Variants in RGS17 observed in about 807,000 individuals in gnomAD.
The protein encoded by RGS17 is regulator of G protein signaling 17.
A neutral mutation model predicts 25.5 loss-of-function variants in RGS17; 12 were observed. The ratio of observed to expected loss-of-function variants is 0.47; its 90% CI spans 0.30 to 0.76. The LOEUF (loss-of-function observed/expected upper bound fraction) is 0.76, where lower values mean the gene tolerates loss of function less well. Ranked by LOEUF, RGS17 falls within the 30% of genes least tolerant of loss-of-function variation. RGS17 has a pLI of 0.07. For synonymous variants in RGS17, 71 were observed against 76.9 expected (o/e 0.92, Z 0.40); for missense variants, 196 against 242.2 (o/e 0.81, Z 1.27).
chr6:153,039,975 C>T (rs1274393503), intron 2 of RGS17, among the ~76,000 whole-genome samples: 1 of 152,196 alleles, frequency 6.6e-6, no homozygotes, highest in African/African-American at 2.4e-5. Context: ...TTGCCAGTGT[C>T]AACCTTGAAC....
Position 153,009,541 on chromosome 6 carries a change from T to C in RGS17, c.*2033A>G, listed in dbSNP as rs1189934074. 6.6e-6 allele frequency: 1 copy of C among 152,030 alleles called. No homozygotes were observed. Among genetic ancestry groups the C allele is most frequent in the African/African-American group, 2.4e-5 (1 of 41,448 alleles). 9.4% of individuals were successfully genotyped at this position (152,030 alleles called of 1,614,324 possible). A position where few individuals can be genotyped will look rare whatever the true frequency, so the allele number is the denominator to read the frequency against. On this transcript the variant is annotated 3_prime_UTR_variant, in exon 5 of 5. Coordinates refer to ENST00000206262, the MANE Select transcript of RGS17 (RefSeq NM_012419.5). ...AAACATCTTCATAGCTATCTTTTTT[T>C]CAACATATTACTGAAAACTTATTCA... is the stretch of plus-strand genomic sequence containing the variant.
At chr6:153,062,321 T>A (rs985173868) in intron 1 of RGS17, among the ~76,000 whole-genome samples, 1 of 152,078 alleles carries the variant, frequency 6.6e-6, no homozygotes, top group Admixed American at 6.5e-5. Context: ...ATCTCTAGGC[T>A]CTAAGGGAGG....
intron 1 of RGS17, among the ~76,000 whole-genome samples, chr6:153,068,963 G>A (rs534315434): frequency 6.6e-6 from 1 of 152,142 alleles, no homozygotes; most frequent in Non-Finnish European, 1.5e-5. Flanking sequence ...ACAAATGCTG[G>A]TAAAGATGTG....
chr6:153,090,851 G>GTATA (rs71017579), intron 1 of RGS17, among the ~76,000 whole-genome samples: 57,581 of 150,614 alleles, frequency 0.38, 11,695 homozygotes, highest in East Asian at 0.66. Flanking sequence ...AAAAAACATA[G>GTATA]TATATATATA....
At chr6:153,032,556 G>A (rs938616730) in intron 2 of RGS17, among the ~76,000 whole-genome samples, 5 of 141,014 alleles carry the variant, frequency 3.5e-5, no homozygotes, top group Admixed American at 7.4e-5. Context: ...AAGTTTCTGC[G>A]GGTAAATACC....
At chr6:153,018,531 T>C (rs139999977) in intron 4 of RGS17, among the ~76,000 whole-genome samples, 219 of 152,308 alleles carry the variant, frequency 1.4e-3, no homozygotes, top group African/African-American at 5.1e-3. Flanking sequence ...TAATTAATAA[T>C]AATTGATCAT....
At chr6:153,062,486 A>C (rs893155366) in intron 1 of RGS17, among the ~76,000 whole-genome samples, 5 of 152,166 alleles carry the variant, frequency 3.3e-5, no homozygotes, top group African/African-American at 1.2e-4. Flanking sequence ...CTGGAACTTG[A>C]GTTCCCTCAA....
intron 1 of RGS17, among the ~76,000 whole-genome samples, chr6:153,101,549 T>C (rs1300154002): frequency 6.6e-6 from 1 of 152,146 alleles, no homozygotes; most frequent in Non-Finnish European, 1.5e-5. Flanking sequence ...ACTGGTAGGG[T>C]TGGCCTTAGC....
chr6:153,037,205 C>CAT (rs1776259603), intron 2 of RGS17, among the ~76,000 whole-genome samples: 1 of 151,226 alleles, frequency 6.6e-6, no homozygotes, highest in Non-Finnish European at 1.5e-5. Flanking sequence ...CACACAGACA[C>CAT]ACACACACAC....
At chr6:153,073,987 G>A (rs1413380090) in intron 1 of RGS17, among the ~76,000 whole-genome samples, 1 of 152,178 alleles carries the variant, frequency 6.6e-6, no homozygotes, top group African/African-American at 2.4e-5. Flanking sequence ...ATGTTGCTAA[G>A]TGTAATATCC....
intron 1 of RGS17, among the ~76,000 whole-genome samples, chr6:153,079,362 G>A (rs1266080589): frequency 6.6e-6 from 1 of 152,200 alleles, no homozygotes; most frequent in Non-Finnish European, 1.5e-5. Context: ...ACAGGTATGA[G>A]CCGCAGCGCC....
chr6:153,075,207 G>A (rs1776861240), intron 1 of RGS17, among the ~76,000 whole-genome samples: 1 of 152,028 alleles, frequency 6.6e-6, no homozygotes, highest in Non-Finnish European at 1.5e-5. Context: ...ATTAATCCTA[G>A]CAACTTGATA....
At chr6:153,115,228 CAA>C (rs1343305768) in intron 1 of RGS17, among the ~76,000 whole-genome samples, 1 of 152,190 alleles carries the variant, frequency 6.6e-6, no homozygotes, top group African/African-American at 2.4e-5. Flanking sequence ...GCAACTTCAG[CAA>C]AGTCTCAGGA....
intron 1 of RGS17, among the ~76,000 whole-genome samples, chr6:153,049,649 G>T (rs542955355): frequency 6.6e-6 from 1 of 152,238 alleles, no homozygotes; most frequent in East Asian, 1.9e-4. Context: ...TACTTGGGAG[G>T]CTGAGGCAGG....
intron 1 of RGS17, among the ~76,000 whole-genome samples, chr6:153,104,954 G>A (rs1281908122): frequency 6.6e-6 from 1 of 151,964 alleles, no homozygotes; most frequent in African/African-American, 2.4e-5. Context: ...GAAGGAAAAT[G>A]GCCTGGTTGT....
rs1163771520 is a variant in RGS17, at chr6:153,130,844, T to C, written c.-26+280A>G. ...CGGGCAGGACACTCGCCCGGTTCCC[T>C]GCAGCAGCTGAGGGCGGCGAGCGGA... On this transcript the variant is annotated intron_variant, in intron 1 of 4. Transcript: ENST00000206262. This position sits in a 1 kb window ranked among gnomAD's most constrained non-coding sequence, Gnocchi z 6.4. 6.6e-6 allele frequency among the ~76,000 whole-genome samples: 1 copy of C among 151,928 alleles called. No homozygotes were observed. The highest frequency in any genetic ancestry group is 1.5e-5 in the Non-Finnish European group (1 of 67,952).
rs1026656510 is a variant in RGS17 at position 153,008,118 on chromosome 6, A to C, written c.*3456T>G. 1 of 152,214 alleles carries C rather than the reference A, an allele frequency of 6.6e-6. No homozygotes were observed. Among genetic ancestry groups the C allele is most frequent in the African/African-American group, 2.4e-5 (1 of 41,464 alleles). 9.4% of individuals were successfully genotyped at this position (152,214 alleles called of 1,614,324 possible). ...TCAGGCATTATTTTAAATTAGCTTA[A>C]TGGGATGAAAATGTATTTTTGCTCC... On this transcript the variant is annotated 3_prime_UTR_variant, in exon 5 of 5. Transcript: ENST00000206262.
At chr6:153,027,107 A>C (rs372913253) in intron 2 of RGS17, among the ~76,000 whole-genome samples, 160 of 152,096 alleles carry the variant, frequency 1.1e-3, no homozygotes, top group African/African-American at 3.5e-3. Flanking sequence ...TTGCCCTTTC[A>C]CCCCAGTAAA....
chr6:153,058,870 A>G (rs1776599239), intron 1 of RGS17, among the ~76,000 whole-genome samples: 1 of 149,636 alleles, frequency 6.7e-6, no homozygotes, highest in Non-Finnish European at 1.5e-5. Flanking sequence ...TAATACTACT[A>G]CTCCTGGAAG....
Sources: gnomAD v4.1 joint callset for allele counts (sites outside exome capture counted in the v4.1 genomes callset) on GRCh38, gnomAD v4.1.1 for gene constraint, Gnocchi (gnomAD v3.1) non-coding constraint, MANE v1.5 for transcripts, NCBI Gene and HGNC (gene_info 2026-07-23, HGNC 2026-07-21) for gene names.